Variants in INPP4B observed in about 807,000 individuals in gnomAD.
The protein encoded by INPP4B is inositol polyphosphate 4-phosphatase type II.
INPP4B carries 55 observed loss-of-function variants against 122.5 expected under a neutral mutation model. That is an observed-to-expected ratio of 0.45 (90% CI 0.36 to 0.56). INPP4B has a LOEUF of 0.56. Among genes scored for constraint, INPP4B ranks in the 20% least tolerant of loss-of-function variants. INPP4B has a pLI of 0.00. For synonymous variants in INPP4B, 403 were observed against 388.7 expected, an observed-to-expected ratio of 1.04 and a Z score of -0.43; for missense variants, 1,000 against 1,097.7, an observed-to-expected ratio of 0.91 and a Z score of 1.26.
At chr4:142,646,367 A>G (rs1751779202) in intron 2 of INPP4B, among the ~76,000 whole-genome samples, 1 of 152,104 alleles carries the variant, frequency 6.6e-6, no homozygotes, top group South Asian at 2.1e-4. Context: ...TTAAAAAAGA[A>G]GAAGAAAAAC....
intron 3 of INPP4B, among the ~76,000 whole-genome samples, chr4:142,442,622 A>G (rs113354432): frequency 1.4e-3 from 214 of 152,268 alleles, no homozygotes; most frequent in African/African-American, 4.8e-3. Flanking sequence ...CCTAACTTCA[A>G]GGAAAACTTA....
intron 7 of INPP4B, among the ~76,000 whole-genome samples, chr4:142,362,480 AC>A (rs1164309232): frequency 7.2e-5 from 11 of 152,166 alleles, no homozygotes; most frequent in African/African-American, 2.4e-4. Flanking sequence ...GGCAGTTAAT[AC>A]TATTAAAAAT....
intron 12 of INPP4B, among the ~76,000 whole-genome samples, chr4:142,232,713 C>A (rs1294998934): frequency 6.6e-6 from 1 of 151,974 alleles, no homozygotes; most frequent in Non-Finnish European, 1.5e-5. Flanking sequence ...TCAAGAAAGG[C>A]TGAAAGTTAG....
intron 2 of INPP4B, among the ~76,000 whole-genome samples, chr4:142,582,531 A>C (rs1455736384): frequency 6.6e-6 from 1 of 152,142 alleles, no homozygotes; most frequent in Non-Finnish European, 1.5e-5. Flanking sequence ...CCTGGAACTC[A>C]AGATGTTCCA....
At chr4:142,159,383 C>T (rs534043843) in intron 17 of INPP4B, among the ~76,000 whole-genome samples, 1 of 152,056 alleles carries the variant, frequency 6.6e-6, no homozygotes, top group East Asian at 1.9e-4. Context: ...TCAGCATTTA[C>T]CTCTTGGAGC....
intron 2 of INPP4B, among the ~76,000 whole-genome samples, chr4:142,572,766 T>C (rs1439732542): frequency 6.6e-6 from 1 of 151,938 alleles, no homozygotes; most frequent in Non-Finnish European, 1.5e-5. Context: ...AAAACAATAA[T>C]TATCTTCCAT....
intron 16 of INPP4B, among the ~76,000 whole-genome samples, chr4:142,167,356 C>T (rs1029462865): frequency 1.3e-5 from 2 of 151,664 alleles, no homozygotes; most frequent in Non-Finnish European, 2.9e-5. Flanking sequence ...AACACATGGA[C>T]ACAGGGAGGG....
At chr4:142,267,677 T>G (rs969497992) in intron 10 of INPP4B, among the ~76,000 whole-genome samples, 2 of 152,116 alleles carry the variant, frequency 1.3e-5, no homozygotes, top group Admixed American at 6.5e-5. Context: ...TTCTGTAATA[T>G]GACCCCAAAA....
chr4:142,698,640 T>C (rs367737075), intron 2 of INPP4B, among the ~76,000 whole-genome samples: 1 of 152,192 alleles, frequency 6.6e-6, no homozygotes, highest in Non-Finnish European at 1.5e-5. Flanking sequence ...CTGTGATCTT[T>C]CAGGCCTAAC....
chr4:142,156,994 A>T (rs1451727834), intron 17 of INPP4B, among the ~76,000 whole-genome samples: 1 of 152,120 alleles, frequency 6.6e-6, no homozygotes, highest in East Asian at 1.9e-4. Flanking sequence ...AACGTAAGCC[A>T]ATTTAAGTGA....
chr4:142,028,591 T>G lies in INPP4B; in HGVS notation c.*191A>C, dbSNP rs1171348266. The stretch of plus-strand genomic sequence containing the variant: ...AATGACAGTACTGAATCATGTAAGA[T>G]TTTTTAAAATGGATTTCTTTCAGAG... On this transcript the variant is annotated 3_prime_UTR_variant, in exon 26 of 26. Transcript: ENST00000262992. The G allele has an allele frequency of 1.7e-6, 1 of 582,224 alleles. No homozygotes were observed. Among genetic ancestry groups the G allele is most frequent in the South Asian group, 2.5e-5 (1 of 40,342 alleles). 36.1% of individuals were successfully genotyped at this position (582,224 alleles called of 1,614,324 possible). A position where few individuals can be genotyped will look rare whatever the true frequency, so the allele number is the denominator to read the frequency against.
At chr4:142,541,329 T>C (rs1433672784) in intron 2 of INPP4B, among the ~76,000 whole-genome samples, 1 of 152,088 alleles carries the variant, frequency 6.6e-6, no homozygotes, top group South Asian at 2.1e-4. Flanking sequence ...TGGCAATAAG[T>C]AGAAAATTAA....
intron 23 of INPP4B, among the ~76,000 whole-genome samples, chr4:142,093,170 G>C (rs1780326557): frequency 6.6e-6 from 1 of 152,110 alleles, no homozygotes; most frequent in African/African-American, 2.4e-5. Flanking sequence ...TCTTGTTTAG[G>C]TGCTTAAGTC....
intron 7 of INPP4B, among the ~76,000 whole-genome samples, chr4:142,373,865 A>G (rs775890565): frequency 3.5e-4 from 53 of 151,998 alleles, no homozygotes; most frequent in Non-Finnish European, 7.2e-4. Flanking sequence ...CAACTTTTCC[A>G]AAGTTAATTA....
At chr4:142,541,107 C>G (rs1279688854) in intron 2 of INPP4B, among the ~76,000 whole-genome samples, 2 of 152,056 alleles carry the variant, frequency 1.3e-5, no homozygotes, top group Non-Finnish European at 2.9e-5. Flanking sequence ...TTTGTCATAA[C>G]AAGTATCAAT....
At chr4:142,259,485 C>T (rs1387288981) in intron 11 of INPP4B, among the ~76,000 whole-genome samples, 2 of 151,282 alleles carry the variant, frequency 1.3e-5, no homozygotes, top group Non-Finnish European at 2.9e-5. Context: ...ATTTTGTACT[C>T]TTTCTAGGTA....
At chr4:142,633,488 C>G (rs1748434309) in intron 2 of INPP4B, among the ~76,000 whole-genome samples, 1 of 152,106 alleles carries the variant, frequency 6.6e-6, no homozygotes. Context: ...ACTTGCTGGA[C>G]TATCTTAACA....
chr4:142,455,075 C>A (rs995598449), intron 3 of INPP4B, among the ~76,000 whole-genome samples: 3 of 151,792 alleles, frequency 2.0e-5, no homozygotes, highest in Non-Finnish European at 4.4e-5. Flanking sequence ...TATGAGGTAT[C>A]AAAACCTCAT....
At chr4:142,171,430 AT>A (rs1230259192) in intron 16 of INPP4B, among the ~76,000 whole-genome samples, 6 of 151,876 alleles carry the variant, frequency 4.0e-5, no homozygotes, top group African/African-American at 1.2e-4. Context: ...AAACGTTTTT[AT>A]TTTATAATCC....
Sources: gnomAD v4.1 joint callset for allele counts (sites outside exome capture counted in the v4.1 genomes callset) on GRCh38, gnomAD v4.1.1 for gene constraint, MANE v1.5 for transcripts, NCBI Gene and HGNC (gene_info 2026-07-23, HGNC 2026-07-21) for gene names.